The following FRMPD4 variants were observed in gnomAD, a reference collection of about 807,000 sequenced individuals.
FRMPD4 encodes the protein FERM and PDZ domain containing 4.
Under a neutral mutation model 94.1 loss-of-function variants are expected in FRMPD4, and 22 were observed. The observed-to-expected ratio is 0.23, with a 90% confidence interval of 0.17 to 0.33. FRMPD4 has a LOEUF of 0.33. Ranked by LOEUF, FRMPD4 falls within the 10% of genes least tolerant of loss-of-function variation. The pLI is 1.00. For synonymous variants in FRMPD4, 631 were observed against 548.6 expected (o/e 1.15, Z -2.10); for missense variants, 1,111 against 1,339.9 (o/e 0.83, Z 2.67).
intron 2 of FRMPD4, among the ~76,000 whole-genome samples, chrX:12,532,803 C>A (rs766696675): frequency 1.9e-4 from 21 of 111,566 alleles, no homozygotes; most frequent in Middle Eastern, 4.2e-3. Context: ...TGGGTAAAGG[C>A]AAGGGATGCT....
intron 1 of FRMPD4, among the ~76,000 whole-genome samples, chrX:12,153,330 G>A (rs1199623705): frequency 8.9e-6 from 1 of 112,191 alleles, no homozygotes; most frequent in Non-Finnish European, 1.9e-5. Context: ...ACAACTTGAT[G>A]TTTTTTAGAG....
At chrX:12,686,730 G>A (rs1348113838) in intron 7 of FRMPD4, among the ~76,000 whole-genome samples, 1 of 111,749 alleles carries the variant, frequency 8.9e-6, no homozygotes, top group African/African-American at 3.2e-5. Flanking sequence ...CTGCTTCTTA[G>A]AAGAAGGGCT....
At chrX:12,201,798 G>GCTA (rs2056633554) in intron 1 of FRMPD4, among the ~76,000 whole-genome samples, 1 of 111,445 alleles carries the variant, frequency 9.0e-6, no homozygotes, top group Non-Finnish European at 1.9e-5. Context: ...CAGAGTTCAT[G>GCTA]CTACCCCCCT....
chrX:11,849,184 A>G (rs752218426), intron 1 of FRMPD4, among the ~76,000 whole-genome samples: 10 of 112,008 alleles, frequency 8.9e-5, no homozygotes, highest in African/African-American at 3.2e-4. Flanking sequence ...AAGGAAATTT[A>G]GAAAATAATT....
intron 1 of FRMPD4, among the ~76,000 whole-genome samples, chrX:12,192,193 A>G (rs1431804882): frequency 9.0e-6 from 1 of 111,694 alleles, no homozygotes; most frequent in Non-Finnish European, 1.9e-5. Context: ...GGTTGAAGCA[A>G]CTGTGTCACA....
At chrX:11,984,623 G>T (rs955746404) in intron 3 of FRMPD4, among the ~76,000 whole-genome samples, 1 of 112,249 alleles carries the variant, frequency 8.9e-6, no homozygotes, top group Non-Finnish European at 1.9e-5. Flanking sequence ...GTTGGCTATT[G>T]TTTCTGCTGT....
intron 5 of FRMPD4, among the ~76,000 whole-genome samples, chrX:12,677,747 G>T (rs1019097945): frequency 1.8e-5 from 2 of 111,985 alleles, no homozygotes; most frequent in Non-Finnish European, 3.8e-5. Flanking sequence ...CATGTGCCCA[G>T]GGTACCTCAA....
intron 2 of FRMPD4, among the ~76,000 whole-genome samples, chrX:12,588,287 G>A (rs1420487590): frequency 8.9e-6 from 1 of 112,560 alleles, no homozygotes; most frequent in Non-Finnish European, 1.9e-5. Flanking sequence ...ACCACGCTCA[G>A]CCTGAGAATT....
At chrX:12,704,245 C>A in intron 10 of FRMPD4, 114 bp from the exon 11 acceptor site, 1 of 492,851 alleles carries the variant, frequency 2.0e-6, no homozygotes, top group Non-Finnish European at 3.3e-6. Flanking sequence ...GACTTGTCTC[C>A]ATTCTCTGCC....
intron 3 of FRMPD4, among the ~76,000 whole-genome samples, chrX:12,068,678 G>A (rs1032796734): frequency 5.4e-5 from 6 of 111,767 alleles, no homozygotes; most frequent in South Asian, 7.5e-4. Flanking sequence ...CTTAGAGCTC[G>A]GTTTTCTTTG....
chrX:12,556,878 T>G (rs1451030171), intron 2 of FRMPD4, among the ~76,000 whole-genome samples: 1 of 112,014 alleles, frequency 8.9e-6, no homozygotes, highest in Non-Finnish European at 1.9e-5. Flanking sequence ...ACAGTCTCGC[T>G]GTGTCAACCA....
chrX:12,720,899 G>A lies in FRMPD4; in HGVS notation c.4330G>A (p.Ala1444Thr), dbSNP rs201844568. ...ACAGGAGGCCAGTTCTGAAAGGCGA[G>A]CAGAACTCCCCCTGGGGAGGAAGCT... Reference protein sequence around the residue: ...EAQEASSERRAELPLGRKLTK... With the variant: ...EAQEASSERRTELPLGRKLTK... Residue 1444 changes from alanine to threonine, a missense_variant, in exon 17 of 17, where the codon GCA (alanine) becomes ACA (threonine). Ala to Thr is a moderately conservative substitution (Grantham distance 58). This residue lies in a region of FRMPD4 where 551 missense variants were observed against 591.6 expected (regional missense o/e 0.93). Coordinates refer to ENST00000675598, the MANE Select transcript of FRMPD4 (RefSeq NM_001368397.1). The A allele has an allele frequency of 9.6e-5, 80 of 837,154 alleles. No individual in the cohort carries two copies. The highest frequency in any genetic ancestry group is 1.1e-4 in the Non-Finnish European group (77 of 691,870). 69.0% of individuals were successfully genotyped at this position (837,154 alleles called of 1,213,427 possible).
At chrX:12,208,717 G>A (rs1482945666) in intron 1 of FRMPD4, among the ~76,000 whole-genome samples, 1 of 111,855 alleles carries the variant, frequency 8.9e-6, no homozygotes, top group African/African-American at 3.2e-5. Context: ...GTAAATTAAA[G>A]TAGTAATGAA....
chrX:11,988,044 T>C (rs890501915), intron 3 of FRMPD4, among the ~76,000 whole-genome samples: 2 of 110,765 alleles, frequency 1.8e-5, no homozygotes, highest in African/African-American at 6.5e-5. Flanking sequence ...GCAATTCTTA[T>C]CAAAATATCA....
At chrX:12,397,368 C>T (rs1202829116) in intron 1 of FRMPD4, among the ~76,000 whole-genome samples, 2 of 111,135 alleles carry the variant, frequency 1.8e-5, no homozygotes, top group African/African-American at 6.5e-5. Flanking sequence ...TCAACTAAAG[C>T]ATTTGTGGTG....
chrX:12,683,677 A>C, intron 6 of FRMPD4, 90 bp downstream of exon 6: 1 of 481,402 alleles, frequency 2.1e-6, no homozygotes, highest in Non-Finnish European at 3.7e-6. Context: ...TCCCACTGGA[A>C]TGACTGATCT....
rs1434056574 is a variant in FRMPD4 at position 12,336,336 on chromosome X, T to A, written c.42-162344T>A. ...ATAGCTACTTGTGGAGACCTAAGTGTCAGCATTAGCAATGGCCTTGCCAAA... is the reference window on the plus strand; with the variant it reads ...ATAGCTACTTGTGGAGACCTAAGTGACAGCATTAGCAATGGCCTTGCCAAA... On this transcript the variant is annotated intron_variant, in intron 1 of 16. Transcript: ENST00000675598. 3.6e-5 allele frequency among the ~76,000 whole-genome samples: 4 copies of A among 111,988 alleles called. No individual in the cohort carries two copies. In the South Asian group the frequency reaches 1.1e-3, roughly 32 times the overall value.
chrX:12,277,306 AC>A (rs1238211536), intron 1 of FRMPD4, among the ~76,000 whole-genome samples: 2 of 111,752 alleles, frequency 1.8e-5, no homozygotes, highest in Admixed American at 9.5e-5. Flanking sequence ...CAAGAAAAAA[AC>A]ATGCACATTT....
At chrX:11,896,078 G>A (rs1219518674) in intron 3 of FRMPD4, among the ~76,000 whole-genome samples, 1 of 112,390 alleles carries the variant, frequency 8.9e-6, no homozygotes, top group Non-Finnish European at 1.9e-5. Flanking sequence ...CAGCCATTGA[G>A]TTCTGAATGA....
Sources: allele counts gnomAD v4.1 joint callset (sites outside exome capture counted in the v4.1 genomes callset), GRCh38; gene constraint gnomAD v4.1.1; regional missense constraint gnomAD v4.1.1; transcripts MANE v1.5; gene names NCBI Gene and HGNC (gene_info 2026-07-23, HGNC 2026-07-21).